Variants in ZMYM2 observed in about 807,000 individuals in gnomAD.
ZMYM2 encodes the protein zinc finger MYM-type containing 2.
A neutral mutation model predicts 162.8 loss-of-function variants in ZMYM2; 56 were observed. The observed-to-expected ratio is 0.34, with a 90% CI of 0.28 to 0.43. The LOEUF is 0.43. Among genes scored for constraint, ZMYM2 ranks in the 20% least tolerant of loss-of-function variants. ZMYM2 has a pLI of 1.00. For missense variants in ZMYM2, 1,275 were observed against 1,621.8 expected, an observed-to-expected ratio of 0.79 and a Z score of 3.67; for synonymous variants, 510 against 541.6, an observed-to-expected ratio of 0.94 and a Z score of 0.81.
intron 2 of ZMYM2, among the ~76,000 whole-genome samples, chr13:19,992,148 CA>C (rs1319521734): frequency 6.6e-6 from 1 of 150,488 alleles, no homozygotes; most frequent in Non-Finnish European, 1.5e-5. Flanking sequence ...TAGTGCCTGG[CA>C]AAAAAAACAA....
At chr13:20,027,919 T>A (rs888487892) in intron 9 of ZMYM2, 11 of 170,508 alleles carry the variant, frequency 6.5e-5, no homozygotes, top group African/African-American at 2.6e-4. Context: ...AGGAATAGTT[T>A]AGAGGGAATT....
chr13:20,061,761 G>T (rs1484212808), intron 17 of ZMYM2, among the ~76,000 whole-genome samples: 1 of 151,956 alleles, frequency 6.6e-6, no homozygotes, highest in African/African-American at 2.4e-5. Context: ...GCCAATTTTT[G>T]TCTTTTTAGT....
At chr13:19,870,550 T>TCTTCCTTCCTTCCTTCCTTCCTTCCTTC in the ZMYM2 span, among the ~76,000 whole-genome samples, 3 of 114,844 alleles carry the variant, frequency 2.6e-5, no homozygotes, top group African/African-American at 1.0e-4. Context: ...TTTCTTTCTT[T>TCTTCCTTCCTTCCTTCCTTCCTTCCTTC]CTTCCTTCCT....
At chr13:19,937,789 G>T in the ZMYM2 span, among the ~76,000 whole-genome samples, 4,558 of 81,746 alleles carry the variant, frequency 0.056, 136 homozygotes, top group Middle Eastern at 0.24. Flanking sequence ...CCCTCCCCCC[G>T]CCCCCCACCT....
chr13:20,044,573 C>G (rs960954044), intron 12 of ZMYM2, among the ~76,000 whole-genome samples: 2 of 152,188 alleles, frequency 1.3e-5, no homozygotes, highest in Non-Finnish European at 2.9e-5. Context: ...GCCCCAACAT[C>G]TACTTTTATA....
intron 2 of ZMYM2, among the ~76,000 whole-genome samples, chr13:19,983,090 C>A (rs755097734): frequency 6.6e-6 from 1 of 151,744 alleles, no homozygotes; most frequent in African/African-American, 2.4e-5. Context: ...GTAAATCTTC[C>A]GGGTCTTTGG....
At chr13:19,939,247 C>T in the ZMYM2 span, among the ~76,000 whole-genome samples, 1 of 151,908 alleles carries the variant, frequency 6.6e-6, no homozygotes, top group Admixed American at 6.6e-5. Flanking sequence ...TGGTCTTGAA[C>T]TCCTGACCTC....
At chr13:19,876,394 C>T in the ZMYM2 span, among the ~76,000 whole-genome samples, 1 of 152,030 alleles carries the variant, frequency 6.6e-6, no homozygotes, top group Non-Finnish European at 1.5e-5. Context: ...ACGATCTCGG[C>T]TCACTGCAAC....
At chr13:19,987,701 G>A (rs370660142) in intron 2 of ZMYM2, among the ~76,000 whole-genome samples, 12 of 146,730 alleles carry the variant, frequency 8.2e-5, no homozygotes, top group East Asian at 6.5e-4. Context: ...GGCTGGTCTC[G>A]AACTCCTGAG....
intron 6 of ZMYM2, among the ~76,000 whole-genome samples, chr13:20,013,742 T>G (rs1440638492): frequency 6.6e-6 from 1 of 152,194 alleles, no homozygotes; most frequent in Non-Finnish European, 1.5e-5. Flanking sequence ...TGGATTGATT[T>G]CTTTATGTTG....
chr13:20,039,508 C>T (rs1289411004), intron 12 of ZMYM2, among the ~76,000 whole-genome samples: 4 of 137,988 alleles, frequency 2.9e-5, no homozygotes, highest in Admixed American at 1.5e-4. Context: ...GTGTCTCTCT[C>T]TGTTGCCCAG....
intron 18 of ZMYM2, among the ~76,000 whole-genome samples, chr13:20,064,101 GTAAAACAT>G (rs1383270068): frequency 1.3e-5 from 2 of 151,282 alleles, no homozygotes; most frequent in Non-Finnish European, 2.9e-5. Context: ...TGAGTAGAAT[GTAAAACAT>G]TAGTTTTTGG....
At chr13:19,979,844 G>A (rs1957150056) in intron 2 of ZMYM2, among the ~76,000 whole-genome samples, 1 of 152,138 alleles carries the variant, frequency 6.6e-6, no homozygotes, top group Non-Finnish European at 1.5e-5. Flanking sequence ...TGTTTTAGGT[G>A]TACAGTCAGG....
At chr13:20,024,781 T>C (rs1488118522) in intron 7 of ZMYM2, 1 of 217,314 alleles carries the variant, frequency 4.6e-6, no homozygotes, top group Non-Finnish European at 9.2e-6. Flanking sequence ...ATTTTTATTT[T>C]TTCCTTGTCA....
chr13:20,012,063 T>C (rs535827099), intron 6 of ZMYM2, among the ~76,000 whole-genome samples: 2 of 152,194 alleles, frequency 1.3e-5, no homozygotes, highest in Middle Eastern at 3.4e-3. Context: ...TACTTGTATT[T>C]TTAGTAGAGA....
intron 21 of ZMYM2, among the ~76,000 whole-genome samples, chr13:20,080,616 A>G (rs1957848336): frequency 6.6e-6 from 1 of 152,082 alleles, no homozygotes; most frequent in Admixed American, 6.5e-5. Context: ...CAGCCCGTCA[A>G]GTCGCTGGAG....
chr13:19,944,052 G>C, the ZMYM2 span, among the ~76,000 whole-genome samples: 2 of 152,158 alleles, frequency 1.3e-5, no homozygotes, highest in African/African-American at 4.8e-5. Context: ...TTTAGGCAAT[G>C]GGGGCCTAGT....
At chr13:19,917,075 G>T in the ZMYM2 span, among the ~76,000 whole-genome samples, 188 of 152,122 alleles carry the variant, frequency 1.2e-3, 1 homozygote, top group Non-Finnish European at 2.2e-3. Context: ...CCATTCTCTT[G>T]CTTCAGTCTC....
At chr13:20,074,721 G>A (rs1482167216) in intron 21 of ZMYM2, among the ~76,000 whole-genome samples, 3 of 152,002 alleles carry the variant, frequency 2.0e-5, no homozygotes, top group African/African-American at 4.8e-5. Flanking sequence ...TGTATTTTTA[G>A]TAGAGACGAG....
Sources: allele counts gnomAD v4.1 joint callset (sites outside exome capture counted in the v4.1 genomes callset), GRCh38; gene constraint gnomAD v4.1.1; transcripts MANE v1.5; gene names NCBI Gene and HGNC (gene_info 2026-07-23, HGNC 2026-07-21).